BLTP1: variants seen among roughly 807,000 people sequenced by gnomAD.
BLTP1 encodes the protein fragile site-associated protein.
chr4:122,316,621 T>C, the BLTP1 span: 2 of 1,387,868 alleles, frequency 1.4e-6, no homozygotes, highest in Admixed American at 1.9e-5. Context: ...AACCTTAATA[T>C]AGATGGTTTT....
chr4:122,298,768 A>G, the BLTP1 span: 2 of 664,754 alleles, frequency 3.0e-6, no homozygotes, highest in Non-Finnish European at 3.7e-6. Flanking sequence ...ATTCGAACTG[A>G]TACTTGAGTA....
the BLTP1 span, chr4:122,189,732 A>T: frequency 4.5e-6 from 4 of 894,492 alleles, no homozygotes; most frequent in Non-Finnish European, 5.4e-6. Context: ...TTTAAAACCA[A>T]ATTTTTTTTT....
chr4:122,223,431 C>T, the BLTP1 span, among the ~76,000 whole-genome samples: 1 of 152,170 alleles, frequency 6.6e-6, no homozygotes, highest in Non-Finnish European at 1.5e-5. Flanking sequence ...GTGAAGAAAT[C>T]TGTCTAATCA....
the BLTP1 span, among the ~76,000 whole-genome samples, chr4:122,360,602 A>G: frequency 2.0e-5 from 3 of 152,332 alleles, no homozygotes; most frequent in African/African-American, 7.2e-5. Flanking sequence ...TAAAATCTCC[A>G]TTATGCAGTG....
At chr4:122,218,101 T>C in the BLTP1 span, among the ~76,000 whole-genome samples, 1 of 152,144 alleles carries the variant, frequency 6.6e-6, no homozygotes, top group Non-Finnish European at 1.5e-5. Flanking sequence ...GGATCTTCTC[T>C]CTTCTCTTCT....
chr4:122,359,115 A>G, the BLTP1 span, among the ~76,000 whole-genome samples: 1 of 151,578 alleles, frequency 6.6e-6, no homozygotes, highest in African/African-American at 2.4e-5. Context: ...GAGGGATAGC[A>G]TTAGGAGATA....
chr4:122,349,047 G>T, the BLTP1 span: 2 of 878,872 alleles, frequency 2.3e-6, no homozygotes, highest in Non-Finnish European at 3.3e-6. The surrounding 1 kb of genome is among the most constrained non-coding windows in gnomAD (Gnocchi z 4.5). Context: ...TTGTTTCATT[G>T]TCAAACTTGA....
At chr4:122,312,956 T>C in the BLTP1 span, 1 of 795,508 alleles carries the variant, frequency 1.3e-6, no homozygotes, top group Non-Finnish European at 1.5e-6. Flanking sequence ...TAGAGTTTAC[T>C]TTGTTTAAAA....
chr4:122,347,563 C>T, the BLTP1 span: 1 of 1,613,438 alleles, frequency 6.2e-7, no homozygotes. Flanking sequence ...AGGGGTAAGC[C>T]AACACCTTTC....
At chr4:122,182,675 G>C in the BLTP1 span, 22 of 985,266 alleles carry the variant, frequency 2.2e-5, no homozygotes, top group Non-Finnish European at 2.7e-5. Flanking sequence ...CCATGACCCT[G>C]TTGGGACCAT....
chr4:122,338,472 A>C, the BLTP1 span, among the ~76,000 whole-genome samples: 2 of 152,062 alleles, frequency 1.3e-5, no homozygotes, highest in Non-Finnish European at 2.9e-5. Flanking sequence ...GGTCTCTAAA[A>C]AAACAGAGTG....
the BLTP1 span, chr4:122,190,345 C>T: frequency 1.3e-4 from 103 of 784,786 alleles, 1 homozygote; most frequent in East Asian, 4.3e-3. Context: ...ATCCTCCTGC[C>T]TCATTCTCCC....
the BLTP1 span, chr4:122,173,285 C>A: frequency 2.0e-6 from 2 of 982,872 alleles, no homozygotes; most frequent in Non-Finnish European, 3.0e-6. Context: ...TCTGATAGTT[C>A]TGGAGGCTGG....
At chr4:122,163,384 A>G in the BLTP1 span, among the ~76,000 whole-genome samples, 2 of 152,142 alleles carry the variant, frequency 1.3e-5, no homozygotes, top group Non-Finnish European at 1.5e-5. Context: ...AAATCCACCA[A>G]CTTCCTAGCC....
At chr4:122,265,799 C>T in the BLTP1 span, among the ~76,000 whole-genome samples, 4 of 152,084 alleles carry the variant, frequency 2.6e-5, no homozygotes, top group South Asian at 2.1e-4. Context: ...CCCGGGTTCA[C>T]GCCATTCTCC....
chr4:122,215,350 A>G, the BLTP1 span: 19 of 972,088 alleles, frequency 2.0e-5, no homozygotes, highest in Non-Finnish European at 2.3e-5. Flanking sequence ...ACAGACTACA[A>G]GGGAATTTTT....
chr4:122,203,913 T>C, the BLTP1 span: 1 of 430,124 alleles, frequency 2.3e-6, no homozygotes, highest in Non-Finnish European at 3.1e-6. Context: ...AAATTATACT[T>C]GTTTCTTCAA....
the BLTP1 span, chr4:122,176,035 C>A: frequency 1.7e-6 from 1 of 578,656 alleles, no homozygotes; most frequent in South Asian, 2.1e-5. Flanking sequence ...GTCACGGTGG[C>A]TTATGTCTGT....
At chr4:122,219,149 A>T in the BLTP1 span, 1 of 984,896 alleles carries the variant, frequency 1.0e-6, no homozygotes, top group South Asian at 4.7e-5. Flanking sequence ...TTTGCTACTG[A>T]ATATTTGCCA....
Sources: allele counts gnomAD v4.1 joint callset (sites outside exome capture counted in the v4.1 genomes callset), GRCh38; gene constraint gnomAD v4.1.1; non-coding constraint Gnocchi (gnomAD v3.1); transcripts MANE v1.5; gene names NCBI Gene and HGNC (gene_info 2026-07-23, HGNC 2026-07-21).